The following PRH1 variants were observed in gnomAD, a reference collection of about 807,000 sequenced individuals.
PRH1 encodes proline rich protein HaeIII subfamily 1, also known as salivary acidic proline-rich phosphoprotein 1/2.
A neutral mutation model predicts 7.9 loss-of-function variants in PRH1; 7 were observed. The observed-to-expected ratio is 0.89, with a 90% CI of 0.50 to 1.67. The LOEUF (loss-of-function observed/expected upper bound fraction) is 1.67. PRH1 is among the 40% of genes most tolerant of loss of function. The probability of loss-of-function intolerance (pLI) is 0.00; values close to 1 mark genes in which losing one functional copy is unlikely to be tolerated. For missense variants in PRH1, 109 were observed against 223.6 expected (o/e 0.49, Z 3.27); for synonymous variants, 45 against 80.8 (o/e 0.56, Z 2.38).
At chr12:10,958,353 T>C (rs912409076) in intron 2 of PRH1, among the ~76,000 whole-genome samples, 10 of 152,006 alleles carry the variant, frequency 6.6e-5, no homozygotes, top group Admixed American at 5.9e-4. Context: ...GTGCTAAACA[T>C]TGAGTACAGA....
chr12:10,987,029 C>G lies in PRH1; in HGVS notation c.-125-13308G>C, dbSNP rs1337949798. The G allele has an allele frequency of 6.5e-6, 3 of 464,918 alleles. No individual in the cohort carries two copies. The Admixed American group carries it at 1.1e-4, about 18-fold the overall frequency. 28.8% of individuals were successfully genotyped at this position (464,918 alleles called of 1,614,324 possible). ...TCAAACAAGAAAGTACCAGCTTATG[C>G]TAATGGATGAGTTTGATGTCATCTT... On this transcript the variant is annotated intron_variant, in intron 1 of 3. Coordinates refer to the PRH1 transcript ENST00000539853.
chr12:10,988,081 T>C (rs983134571), intron 1 of PRH1, among the ~76,000 whole-genome samples: 59 of 152,158 alleles, frequency 3.9e-4, no homozygotes, highest in African/African-American at 1.4e-3. Context: ...TCAGTTTGCC[T>C]GCACTTGATC....
rs1352104061 is a variant in PRH1 at position 11,072,285 on chromosome 12, C to G, written n.124-25097G>C. On this transcript the variant is annotated intron_variant and non_coding_transcript_variant, in intron 1 of 4. Coordinates refer to the PRH1 transcript ENST00000541977. ...TGCAAGCAAGAGCCATCATACCAAG[C>G]CTGCACTGGGAGTTTTTGAAGGTCA... is the stretch of plus-strand genomic sequence containing the variant. Among the ~76,000 whole-genome samples, 819 of 152,220 alleles carry G rather than the reference C, an allele frequency of 5.4e-3. 6 individuals carry two copies. Among genetic ancestry groups the G allele is most frequent in the African/African-American group, 0.019 (789 of 41,538 alleles).
At chr12:10,944,531 T>A (rs1221085130) in intron 2 of PRH1, among the ~76,000 whole-genome samples, 1 of 151,980 alleles carries the variant, frequency 6.6e-6, no homozygotes, top group African/African-American at 2.4e-5. Flanking sequence ...TACTCTATGG[T>A]TTTTTGGGCG....
intron 1 of PRH1, among the ~76,000 whole-genome samples, chr12:11,114,870 T>G (rs1945687514): frequency 2.0e-5 from 3 of 152,086 alleles, no homozygotes; most frequent in Admixed American, 1.3e-4. Context: ...AGCCTCATGG[T>G]AATCTCAAAC....
intron 1 of PRH1, chr12:11,091,143 T>TATATATA (rs1565644368): frequency 2.9e-4 from 18 of 61,236 alleles, no homozygotes; most frequent in East Asian, 1.0e-3. Flanking sequence ...TATATATATA[T>TATATATA]TTTCTAGACT....
intron 2 of PRH1, among the ~76,000 whole-genome samples, chr12:10,954,952 T>C (rs1317554173): frequency 6.6e-6 from 1 of 152,102 alleles, no homozygotes; most frequent in Non-Finnish European, 1.5e-5. Context: ...AGAGACCTAT[T>C]AAAAGATTTA....
upstream of PRH1, among the ~76,000 whole-genome samples, chr12:10,885,687 T>C (rs1303798209): frequency 2.0e-5 from 3 of 152,238 alleles, no homozygotes; most frequent in East Asian, 1.9e-4. Flanking sequence ...TCATAAAATA[T>C]ACTACTCAGA....
intron 2 of PRH1, among the ~76,000 whole-genome samples, chr12:10,964,241 A>G (rs1301507163): frequency 6.6e-6 from 1 of 151,630 alleles, no homozygotes; most frequent in East Asian, 1.9e-4. Flanking sequence ...TTTCATATAC[A>G]CATACACATG....
chr12:10,994,677 A>G (rs930358900), intron 1 of PRH1, among the ~76,000 whole-genome samples: 11 of 152,136 alleles, frequency 7.2e-5, no homozygotes, highest in African/African-American at 2.7e-4. Context: ...ATTCAGTGTT[A>G]TAATTATTAT....
At chr12:11,084,307 C>CGGAA (rs1727587973) in intron 1 of PRH1, among the ~76,000 whole-genome samples, 1 of 134,504 alleles carries the variant, frequency 7.4e-6, no homozygotes, top group Non-Finnish European at 1.7e-5. Context: ...CACTTGCTTC[C>CGGAA]AACAGTTCAT....
intron 1 of PRH1, among the ~76,000 whole-genome samples, chr12:11,128,685 T>C (rs2600364): frequency 0.46 from 69,190 of 151,948 alleles, 16,548 homozygotes; most frequent in Non-Finnish European, 0.53. Flanking sequence ...GCAGAGGTTA[T>C]AGTTAGTCGA....
At chr12:11,169,725 C>G (rs149620951) in intron 1 of PRH1, among the ~76,000 whole-genome samples, 3 of 152,242 alleles carry the variant, frequency 2.0e-5, no homozygotes, top group African/African-American at 7.2e-5. Context: ...AACTATATAT[C>G]TTCTCCCAGT....
Position 11,045,918 on chromosome 12 carries a change from T to A in PRH1, c.-126+1102A>T, listed in dbSNP as rs940766635. On this transcript the variant is annotated intron_variant, in intron 1 of 3. Transcript: ENST00000539853. ...TAAATAAATATAACTTTTATTCTTATATTTTATGGAGTGGCTATTTGTTTG... is the reference window on the plus strand; with the variant it reads ...TAAATAAATATAACTTTTATTCTTAAATTTTATGGAGTGGCTATTTGTTTG... Among the ~76,000 whole-genome samples the A allele has an allele frequency of 3.3e-5, 5 of 152,184 alleles. No homozygotes were observed. In the East Asian group the frequency reaches 9.6e-4, roughly 29 times the overall value.
At chr12:10,892,178 G>T in intron 2 of PRH1, among the ~76,000 whole-genome samples, 1 of 152,198 alleles carries the variant, frequency 6.6e-6, no homozygotes, top group African/African-American at 2.4e-5. Context: ...CCTTCTGTTT[G>T]CTCATCAAAC....
chr12:11,108,286 T>C (rs1334847533), intron 1 of PRH1, among the ~76,000 whole-genome samples: 1 of 152,048 alleles, frequency 6.6e-6, no homozygotes, highest in Non-Finnish European at 1.5e-5. Context: ...CACAGACTAA[T>C]ATAACACTGT....
chr12:10,908,787 T>C lies in PRH1; in HGVS notation c.-58-24512A>G, dbSNP rs1485709441. ...GACCGACACTGAAAATGTTTCAAAG[T>C]CACTCATACTGAAATTCCAAGTTGT... On this transcript the variant is annotated intron_variant, in intron 2 of 3. Coordinates refer to the PRH1 transcript ENST00000539853. 4.3e-6 allele frequency: 7 copies of C among 1,614,002 alleles called. No homozygotes were observed. In the Admixed American group the frequency reaches 1.2e-4, roughly 27 times the overall value.
At chr12:10,977,953 G>C (rs1939179306) in intron 1 of PRH1, among the ~76,000 whole-genome samples, 1 of 151,624 alleles carries the variant, frequency 6.6e-6, no homozygotes, top group African/African-American at 2.4e-5. Flanking sequence ...TGGATAGAAA[G>C]AATCAATACT....
intron 1 of PRH1, among the ~76,000 whole-genome samples, chr12:11,128,606 G>C (rs1327882127): frequency 2.0e-5 from 3 of 152,098 alleles, no homozygotes; most frequent in Non-Finnish European, 4.4e-5. Flanking sequence ...TTAGCCAGGT[G>C]GTGGTGGCAC....
Sources: gnomAD v4.1 joint callset for allele counts (sites outside exome capture counted in the v4.1 genomes callset) on GRCh38, gnomAD v4.1.1 for gene constraint, MANE v1.5 for transcripts, NCBI Gene and HGNC (gene_info 2026-07-23, HGNC 2026-07-21) for gene names.